Variants in CFTR observed in about 807,000 individuals in gnomAD.
CFTR encodes the protein cystic fibrosis transmembrane conductance regulator.
In CFTR, 181 loss-of-function variants were observed where a neutral mutation model predicts 171.6. That is an observed-to-expected ratio of 1.05 (90% CI 0.93 to 1.19). The LOEUF (loss-of-function observed/expected upper bound fraction) is 1.19. Among genes scored for constraint, CFTR ranks in the 50% most tolerant of loss-of-function variants. CFTR has a pLI of 0.00. For missense variants in CFTR, 1,968 were observed against 1,734.7 expected, an observed-to-expected ratio of 1.13 and a Z score of -2.39; for synonymous variants, 583 against 608.0, an observed-to-expected ratio of 0.96 and a Z score of 0.60.
At chr7:117,500,078 T>G (rs1232788119) in intron 1 of CFTR, among the ~76,000 whole-genome samples, 1 of 152,164 alleles carries the variant, frequency 6.6e-6, no homozygotes, top group East Asian at 1.9e-4. Context: ...GAAGAAATGC[T>G]GAAAAGTCCT....
intron 15 of CFTR, among the ~76,000 whole-genome samples, chr7:117,599,569 T>C (rs542683164): frequency 6.8e-6 from 1 of 147,828 alleles, no homozygotes; most frequent in South Asian, 2.2e-4. Context: ...ACAATTGATA[T>C]TGCCCTTTTC....
chr7:117,661,410 A>C lies in CFTR; in HGVS notation c.3964-3278A>C, dbSNP rs34018535. ...TAATAAAGAATTTCATCTGGGGAAA[A>C]ACATACTTTGCTCAGCTCTTTGCCA... On this transcript the variant is annotated intron_variant, in intron 24 of 26. Transcript: ENST00000003084. Among the ~76,000 whole-genome samples, 615 of 152,332 alleles carry C rather than the reference A, an allele frequency of 4.0e-3. 6 individuals carry two copies. The highest frequency in any genetic ancestry group is 0.012 in the African/African-American group (518 of 41,574).
chr7:117,549,713 G>T (rs1336658959), intron 10 of CFTR, among the ~76,000 whole-genome samples: 1 of 152,104 alleles, frequency 6.6e-6, no homozygotes, highest in Non-Finnish European at 1.5e-5. Context: ...AGAAATGTGA[G>T]AAAAAGTTTA....
intron 1 of CFTR, among the ~76,000 whole-genome samples, chr7:117,489,854 C>T (rs1798129733): frequency 6.6e-6 from 1 of 151,848 alleles, no homozygotes. Flanking sequence ...TTTTAAAATA[C>T]ATACATTTCA....
chr7:117,535,317 G>T lies in CFTR; in HGVS notation c.649G>T (p.Glu217Ter). The T allele has an allele frequency of 6.2e-7, 1 of 1,614,104 alleles. No homozygotes were observed. Among genetic ancestry groups the T allele is most frequent in the Non-Finnish European group, 8.5e-7 (1 of 1,179,994 alleles). ...QVALLMGLIW[E>*]LLQASAFCGL... ...GGCACTCCTCATGGGGCTAATCTGG[G>T]AGTTGTTACAGGCGTCTGCCTTCTG... Residue 217 changes from glutamate (E) to a stop codon, truncating the protein, a stop_gained, in exon 6 of 27, where the codon GAG becomes TAG. Coordinates refer to ENST00000003084, the MANE Select transcript of CFTR (RefSeq NM_000492.4). LOFTEE classifies it high-confidence loss of function.
intron 23 of CFTR, among the ~76,000 whole-genome samples, chr7:117,643,865 A>T (rs1792956689): frequency 6.6e-6 from 1 of 152,162 alleles, no homozygotes; most frequent in South Asian, 2.1e-4. Context: ...CATTAGAATA[A>T]GCCAAGCCCT....
At position 117,600,042 on chromosome 7, in the gene CFTR, AT is replaced by A. The variant is rs922459099; in HGVS notation, c.2620-2775del. ...TCCTAAGGGTCATATTTCAATTTAG[AT>A]TTTTTTTTATAGGTTAGGTAAAATA... On this transcript the variant is annotated intron_variant, in intron 15 of 26. Coordinates refer to ENST00000003084, the MANE Select transcript of CFTR (RefSeq NM_000492.4). Among the ~76,000 whole-genome samples the A allele has an allele frequency of 6.4e-3, 968 of 151,590 alleles. 15 individuals are homozygous for A. Among genetic ancestry groups the A allele is most frequent in the African/African-American group, 0.022 (894 of 41,406 alleles).
intron 22 of CFTR, among the ~76,000 whole-genome samples, chr7:117,633,584 G>A (rs1485305275): frequency 1.3e-5 from 2 of 151,770 alleles, no homozygotes; most frequent in African/African-American, 4.8e-5. Flanking sequence ...TGATCTTAGT[G>A]GGAAAACTTC....
At chr7:117,545,522 A>G (rs767175370) in intron 9 of CFTR, among the ~76,000 whole-genome samples, 3 of 152,082 alleles carry the variant, frequency 2.0e-5, no homozygotes, top group Non-Finnish European at 4.4e-5. Flanking sequence ...GTTCTTGTTC[A>G]TCACTTCCCA....
At chr7:117,602,952 C>T in intron 16 of CFTR, 89 bp downstream of exon 16, 1 of 1,179,480 alleles carries the variant, frequency 8.5e-7, no homozygotes, top group Non-Finnish European at 1.3e-6. Flanking sequence ...TATTGTAATC[C>T]ACTTTGTTTC....
In CFTR at chr7:117,667,821, C is replaced by A. The variant is rs2116228193; in HGVS notation, c.*713C>A. On this transcript the variant is annotated 3_prime_UTR_variant, in exon 27 of 27. Coordinates refer to ENST00000003084, the MANE Select transcript of CFTR (RefSeq NM_000492.4). ...CAGATAATCACAATACATCCCTTACCTGGGAAAGGGCTGTTATAATCTTTC... is the reference window on the plus strand; with the variant it reads ...CAGATAATCACAATACATCCCTTACATGGGAAAGGGCTGTTATAATCTTTC... 6.5e-6 allele frequency: 1 copy of A among 154,644 alleles called. No individual in the cohort carries two copies. The highest frequency in any genetic ancestry group is 2.0e-4 in the South Asian group (1 of 4,964). 9.6% of individuals were successfully genotyped at this position (154,644 alleles called of 1,614,324 possible).
chr7:117,623,733 A>G (rs556577047), intron 21 of CFTR, among the ~76,000 whole-genome samples: 4 of 152,288 alleles, frequency 2.6e-5, no homozygotes, highest in East Asian at 3.9e-4. Flanking sequence ...TGCTTTCTGC[A>G]TAGGAGGTAG....
At chr7:117,598,329 A>G (rs1792170809) in intron 15 of CFTR, among the ~76,000 whole-genome samples, 1 of 152,172 alleles carries the variant, frequency 6.6e-6, no homozygotes, top group African/African-American at 2.4e-5. Flanking sequence ...CTCAAGTCCC[A>G]TGCTACCTTC....
intron 11 of CFTR, among the ~76,000 whole-genome samples, chr7:117,560,305 G>A (rs1424905042): frequency 2.0e-5 from 3 of 152,060 alleles, no homozygotes; most frequent in Non-Finnish European, 2.9e-5. Flanking sequence ...ACCAGTATAT[G>A]GATCTTGTGC....
chr7:117,642,330 G>T, intron 22 of CFTR, 108 bp from the exon 23 acceptor site: 1 of 1,109,968 alleles, frequency 9.0e-7, no homozygotes, highest in African/African-American at 1.5e-5. Context: ...TTCCACTGGT[G>T]ACAGGATAAA....
At chr7:117,625,189 C>T (rs920001413) in intron 21 of CFTR, among the ~76,000 whole-genome samples, 7 of 152,158 alleles carry the variant, frequency 4.6e-5, no homozygotes, top group African/African-American at 1.4e-4. Flanking sequence ...TTAAATCACA[C>T]GTTCTTGGCT....
chr7:117,566,247 A>AC (rs1791599861), intron 11 of CFTR, among the ~76,000 whole-genome samples: 1 of 133,216 alleles, frequency 7.5e-6, no homozygotes, highest in Non-Finnish European at 1.6e-5. Flanking sequence ...CAGCCTACTA[A>AC]AACACACACA....
intron 3 of CFTR, among the ~76,000 whole-genome samples, chr7:117,526,197 G>T (rs1798776951): frequency 6.6e-6 from 1 of 151,548 alleles, no homozygotes; most frequent in Non-Finnish European, 1.5e-5. Context: ...TAGAACTCAG[G>T]ATTAAGAATC....
chr7:117,482,208 C>T (rs1455125859), intron 1 of CFTR, among the ~76,000 whole-genome samples: 5 of 152,048 alleles, frequency 3.3e-5, no homozygotes, highest in Admixed American at 6.5e-5. Context: ...ACAGGAAACA[C>T]GTCACATGTT....
Sources: gnomAD v4.1 joint callset for allele counts (sites outside exome capture counted in the v4.1 genomes callset) on GRCh38, gnomAD v4.1.1 for gene constraint, MANE v1.5 for transcripts, NCBI Gene and HGNC (gene_info 2026-07-23, HGNC 2026-07-21) for gene names.